The following PCDHA8 variants were observed in gnomAD, a reference collection of about 807,000 sequenced individuals.
PCDHA8 encodes the protein protocadherin alpha 8, also known as protocadherin alpha-8.
PCDHA8 carries 53 observed loss-of-function variants against 61.8 expected under a neutral mutation model. That is an observed-to-expected ratio of 0.86 (90% CI 0.69 to 1.08). The LOEUF (loss-of-function observed/expected upper bound fraction) is 1.08, where lower values mean the gene tolerates loss of function less well. Ranked by LOEUF, PCDHA8 falls within the 50% of genes least tolerant of loss-of-function variation. The pLI is 0.00. For synonymous variants in PCDHA8, 618 were observed against 556.6 expected (o/e 1.11, Z -1.55); for missense variants, 1,293 against 1,245.0 (o/e 1.04, Z -0.58).
At chr5:140,978,246 C>G (rs1243560833) in intron 1 of PCDHA8, among the ~76,000 whole-genome samples, 1 of 152,148 alleles carries the variant, frequency 6.6e-6, no homozygotes, top group Admixed American at 6.5e-5. Context: ...TCAGCTACTC[C>G]CTGTTAAACA....
At chr5:140,989,598 TA>T (rs1554250927) in intron 3 of PCDHA8, among the ~76,000 whole-genome samples, 1 of 152,144 alleles carries the variant, frequency 6.6e-6, no homozygotes, top group Non-Finnish European at 1.5e-5. Flanking sequence ...CTGACACAAG[TA>T]AACTAAAAAT....
chr5:140,923,206 A>G (rs2081227659), intron 1 of PCDHA8, among the ~76,000 whole-genome samples: 1 of 152,172 alleles, frequency 6.6e-6, no homozygotes, highest in South Asian at 2.1e-4. Flanking sequence ...TTGGGAGGCT[A>G]AGGTGAAAGG....
chr5:140,899,541 T>C (rs1469690137), intron 1 of PCDHA8, among the ~76,000 whole-genome samples: 2 of 152,210 alleles, frequency 1.3e-5, no homozygotes, highest in South Asian at 2.1e-4. Context: ...CACTTGATCA[T>C]GGTGGATAAG....
chr5:140,891,876 G>C (rs781983742), intron 1 of PCDHA8, among the ~76,000 whole-genome samples: 9 of 152,186 alleles, frequency 5.9e-5, no homozygotes, highest in Non-Finnish European at 1.2e-4. Context: ...TTTTGGCTCT[G>C]TCATGTGACG....
At chr5:140,905,669 A>T (rs781948009) in intron 1 of PCDHA8, among the ~76,000 whole-genome samples, 1 of 152,228 alleles carries the variant, frequency 6.6e-6, no homozygotes, top group Non-Finnish European at 1.5e-5. Flanking sequence ...ATCCATTAAC[A>T]TGGAACATAT....
rs201945218 is a variant in PCDHA8 at position 140,849,444 on chromosome 5, A to C, written c.2394+5729A>C. On this transcript the variant is annotated intron_variant, in intron 1 of 3. Transcript: ENST00000531613. Reference sequence around the variant, plus strand: ...GGATTTTGAAGAAAGTAGAGCACACAAGATCCCAGTCGAGGCTGTCGATAA... The same window carrying C: ...GGATTTTGAAGAAAGTAGAGCACACCAGATCCCAGTCGAGGCTGTCGATAA... The C allele has an allele frequency of 1.8e-4, 290 of 1,585,348 alleles. 21 individuals carry two copies. The highest frequency in any genetic ancestry group is 2.4e-4 in the Non-Finnish European group (278 of 1,160,480).
chr5:140,848,279 C>A, intron 1 of PCDHA8: 1 of 591,730 alleles, frequency 1.7e-6, no homozygotes, highest in Admixed American at 3.0e-5. Flanking sequence ...GAAATATGTA[C>A]TTACACTTTG....
chr5:140,882,086 A>G (rs1416648023), intron 1 of PCDHA8: 4 of 1,056,010 alleles, frequency 3.8e-6, no homozygotes, highest in South Asian at 1.7e-5. Context: ...GTCGCTCTTC[A>G]CTGAGAACGT....
chr5:140,850,459 G>T (rs868917699), intron 1 of PCDHA8: 1 of 1,597,898 alleles, frequency 6.3e-7, no homozygotes, highest in Admixed American at 1.7e-5. Flanking sequence ...AAAGACCACG[G>T]GGAGCCAGCG....
chr5:140,857,802 T>G (rs251364), intron 1 of PCDHA8: 998,681 of 1,596,370 alleles, frequency 0.63, 345,026 homozygotes, highest in African/African-American at 0.69. Context: ...CGGTCGGTGG[T>G]TGCGGGTCAC....
chr5:140,876,206 C>A, intron 1 of PCDHA8: 1 of 1,613,864 alleles, frequency 6.2e-7, no homozygotes, highest in Non-Finnish European at 8.5e-7. Flanking sequence ...TTTGATAAGC[C>A]CAGCTATAAA....
At chr5:140,955,343 A>G (rs1031411707) in intron 1 of PCDHA8, among the ~76,000 whole-genome samples, 16 of 152,134 alleles carry the variant, frequency 1.1e-4, no homozygotes, top group African/African-American at 3.9e-4. Context: ...TAATCCCCAC[A>G]TGTTGTGAGA....
At chr5:140,927,780 T>C (rs1189193877) in intron 1 of PCDHA8, 5 of 1,614,090 alleles carry the variant, frequency 3.1e-6, no homozygotes, top group African/African-American at 1.3e-5. Flanking sequence ...TGCAAGTAGC[T>C]GCTTCACTAG....
At chr5:140,848,246 A>G (rs1781398365) in intron 1 of PCDHA8, 1 of 453,054 alleles carries the variant, frequency 2.2e-6, no homozygotes, top group African/African-American at 2.0e-5. Context: ...GTTTTGCAGA[A>G]TAACTGTGAA....
intron 1 of PCDHA8, chr5:140,967,338 A>G: frequency 3.7e-6 from 6 of 1,607,948 alleles, no homozygotes; most frequent in Non-Finnish European, 4.3e-6. Flanking sequence ...AGCCCCAGCG[A>G]GCACTTCGAG....
At chr5:140,856,746 A>G (rs996216348) in intron 1 of PCDHA8, 1 of 1,596,552 alleles carries the variant, frequency 6.3e-7, no homozygotes, top group Non-Finnish European at 8.6e-7. Context: ...CTGGTGTTAG[A>G]TGCCAATGAT....
At chr5:140,885,050 C>T (rs1183142093) in intron 1 of PCDHA8, among the ~76,000 whole-genome samples, 3 of 152,164 alleles carry the variant, frequency 2.0e-5, no homozygotes, top group African/African-American at 7.2e-5. Context: ...TTAATGTATA[C>T]ATATACCCAC....
chr5:140,882,453 G>A, intron 1 of PCDHA8: 3 of 1,614,042 alleles, frequency 1.9e-6, no homozygotes, highest in Non-Finnish European at 2.5e-6. Flanking sequence ...CTGGTGCCGC[G>A]CCTGTTCCGG....
intron 1 of PCDHA8, chr5:140,856,033 A>T: frequency 1.3e-6 from 2 of 1,564,122 alleles, no homozygotes; most frequent in Non-Finnish European, 1.7e-6. Flanking sequence ...GATTTGTAAA[A>T]CAAGAGAAGG....
Sources: allele counts gnomAD v4.1 joint callset (sites outside exome capture counted in the v4.1 genomes callset), GRCh38; gene constraint gnomAD v4.1.1; transcripts MANE v1.5; gene names NCBI Gene and HGNC (gene_info 2026-07-23, HGNC 2026-07-21).